The following WDR62 variants were observed in gnomAD, a reference collection of about 807,000 sequenced individuals.
WDR62 encodes the protein WD repeat-containing protein 62.
WDR62 carries 112 observed loss-of-function variants against 160.6 expected under a neutral mutation model. The observed-to-expected ratio is 0.70, with a 90% CI of 0.60 to 0.82. The LOEUF is 0.82. Ranked by LOEUF, WDR62 falls within the 40% of genes least tolerant of loss-of-function variation. The pLI, the probability that WDR62 is intolerant of heterozygous loss-of-function variation, is 0.00. For synonymous variants in WDR62, 792 were observed against 815.1 expected (o/e 0.97, Z 0.48); for missense variants, 1,819 against 1,983.8 (o/e 0.92, Z 1.58).
At chr19:36,058,387 A>G (rs1970472016) in intron 1 of WDR62, among the ~76,000 whole-genome samples, 2 of 152,308 alleles carry the variant, frequency 1.3e-5, no homozygotes, top group South Asian at 4.1e-4. Context: ...AAACTTATTC[A>G]CAGGTCACCT....
intron 16 of WDR62, 125 bp downstream of exon 16, chr19:36,090,645 C>A (rs922277370): frequency 2.3e-6 from 2 of 878,216 alleles, no homozygotes; most frequent in African/African-American, 1.7e-5. Flanking sequence ...CCTTCTCAGG[C>A]CTGGTTAAAC....
intron 5 of WDR62, 23 bp from the exon 6 acceptor site, chr19:36,067,283 C>T (rs764895913): frequency 1.5e-5 from 24 of 1,613,934 alleles, no homozygotes; most frequent in Non-Finnish European, 2.0e-5. Context: ...CTGGCATGAG[C>T]TTCTCTGCAC....
chr19:36,084,786 G>A (rs551858484), intron 12 of WDR62, 42 bp downstream of exon 12: 15 of 1,579,974 alleles, frequency 9.5e-6, no homozygotes, highest in Non-Finnish European at 1.3e-5. Context: ...AGGCAGGGAG[G>A]CAGCCCCCCT....
chr19:36,082,691 G>A (rs186527202), intron 10 of WDR62, among the ~76,000 whole-genome samples: 52 of 152,300 alleles, frequency 3.4e-4, no homozygotes, highest in Middle Eastern at 3.4e-3. Flanking sequence ...AGTTTAGACC[G>A]TTCTGCAGGA....
At position 36,067,293 on chromosome 19, in the gene WDR62, C is replaced by T. The variant is rs78138007; in HGVS notation, c.562-13C>T. On this transcript the variant is annotated splice_polypyrimidine_tract_variant and intron_variant, in intron 5 of 31. Coordinates refer to ENST00000401500, the MANE Select transcript of WDR62 (RefSeq NM_001083961.2). ...GAGTGCTGGCATGAGCTTCTCTGCACTTATTCTTCCAGAAAGACATCGTAG... is the reference window on the plus strand; with the variant it reads ...GAGTGCTGGCATGAGCTTCTCTGCATTTATTCTTCCAGAAAGACATCGTAG... The T allele has an allele frequency of 0.039, 62,474 of 1,614,002 alleles. 1,571 individuals are homozygous for T. Among genetic ancestry groups the T allele is most frequent in the East Asian group, 0.11 (4,719 of 44,876 alleles).
intron 21 of WDR62, among the ~76,000 whole-genome samples, chr19:36,098,542 C>T (rs942981021): frequency 8.3e-5 from 12 of 143,732 alleles, no homozygotes; most frequent in African/African-American, 2.9e-4. Context: ...TCCAGCCTGG[C>T]GACAGAGTGA....
intron 1 of WDR62, 39 bp downstream of exon 1, chr19:36,055,187 T>A (rs1970290254): frequency 6.4e-7 from 1 of 1,573,532 alleles, no homozygotes; most frequent in Non-Finnish European, 8.6e-7. Context: ...AGTTCCAGGC[T>A]TCCTAGGTTT....
chr19:36,109,032 T>C (rs1453904736), downstream of WDR62, among the ~76,000 whole-genome samples: 1 of 152,044 alleles, frequency 6.6e-6, no homozygotes, highest in Non-Finnish European at 1.5e-5. Flanking sequence ...CAATGAGAAA[T>C]GACTTGCTCT....
chr19:36,109,023 A>C (rs973729405), downstream of WDR62, among the ~76,000 whole-genome samples: 5 of 152,146 alleles, frequency 3.3e-5, no homozygotes, highest in African/African-American at 1.2e-4. Flanking sequence ...ACCGAGGCCC[A>C]ATGAGAAATG....
chr19:36,065,750 G>A (rs1970902360), intron 3 of WDR62, among the ~76,000 whole-genome samples: 1 of 152,314 alleles, frequency 6.6e-6, no homozygotes, highest in South Asian at 2.1e-4. Context: ...GGGCGGAAGG[G>A]GCCTTTGCAT....
At chr19:36,057,161 G>T (rs1970415016) in intron 1 of WDR62, among the ~76,000 whole-genome samples, 1 of 152,122 alleles carries the variant, frequency 6.6e-6, no homozygotes, top group Admixed American at 6.5e-5. Flanking sequence ...TGTAAAATGA[G>T]AATAATGATG....
chr19:36,101,339 A>AC (rs780494666), intron 24 of WDR62, 22 bp downstream of exon 24: 1 of 1,589,890 alleles, frequency 6.3e-7, no homozygotes, highest in South Asian at 1.1e-5. Flanking sequence ...GCAGGCAGGG[A>AC]CCCTGTGACA....
intron 26 of WDR62, 56 bp from the exon 27 acceptor site, chr19:36,102,681 G>A: frequency 5.2e-6 from 8 of 1,552,844 alleles, no homozygotes; most frequent in Non-Finnish European, 7.1e-6. Context: ...GCTGGCCTAG[G>A]GCCAGGGCTG....
rs146898747 is a variant in WDR62, at chr19:36,067,872, C to T, written c.744C>T (p.Gly248=). The T allele has an allele frequency of 1.5e-4, 237 of 1,614,208 alleles. 1 individual carries two copies. The East Asian group carries it at 4.0e-3, about 27-fold the overall frequency. Residue 248 remains glycine, a synonymous_variant, in exon 7 of 32, where the codon GGC becomes GGT. Transcript: ENST00000401500. ...TTGTAGGGCGCTCGGGCATCCTGGG[C>T]GAGCTGCACAACAACATCTTCTGTG... is the stretch of plus-strand genomic sequence containing the variant. ...VPLVGRSGIL[G]ELHNNIFCGV...
chr19:36,060,154 C>A, intron 3 of WDR62, 124 bp downstream of exon 3: 1 of 999,334 alleles, frequency 1.0e-6, no homozygotes, highest in Non-Finnish European at 1.6e-6. Flanking sequence ...GTTGGCTCAG[C>A]AGCATTCGCC....
At chr19:36,088,947 G>C in intron 13 of WDR62, 91 bp from the exon 14 acceptor site, 5 of 1,435,064 alleles carry the variant, frequency 3.5e-6, no homozygotes, top group African/African-American at 1.4e-5. Flanking sequence ...CAGCACAGTT[G>C]ATTGATGGCT....
In WDR62 at chr19:36,066,259, T is replaced by C. The variant is rs376954770; in HGVS notation, c.393T>C (p.Asn131=). Residue 131 remains asparagine (N), a splice_region_variant and synonymous_variant, in exon 5 of 32, where the codon AAT becomes AAC. Coordinates refer to ENST00000401500, the MANE Select transcript of WDR62 (RefSeq NM_001083961.2). ...PDGKYIVTGE[N]GHRPAVRIWD... Reference sequence around the variant, plus strand: ...AGTAACGACCCCACCTTCCCTAGAATGGGCATAGGCCTGCTGTGCGCATCT... The same window carrying C: ...AGTAACGACCCCACCTTCCCTAGAACGGGCATAGGCCTGCTGTGCGCATCT... The C allele has an allele frequency of 1.8e-5, 29 of 1,614,104 alleles. No individual in the cohort carries two copies. In the African/African-American group the frequency reaches 2.9e-4, roughly 16 times the overall value.
In WDR62 at chr19:36,104,945, G is replaced by T. The variant is rs1299035954; in HGVS notation, c.4489G>T (p.Ala1497Ser). 2.5e-6 allele frequency: 4 copies of T among 1,607,756 alleles called. No individual in the cohort carries two copies. Among genetic ancestry groups the T allele is most frequent in the East Asian group, 2.2e-5 (1 of 44,750 alleles). The change falls in exon 32 of 32, where the codon GCC becomes TCC. Residue 1497 changes from alanine to serine, a missense_variant. Around this residue, in one of 3 missense-constraint regions of WDR62, gnomAD observed 770 missense variants for 734.2 expected, o/e 1.05. Coordinates refer to ENST00000401500, the MANE Select transcript of WDR62 (RefSeq NM_001083961.2). Reference sequence around the variant, plus strand: ...GTCCCCACCGACGCTGTACCCCCTGGCCAGCCCAGACCTGCAGGCCCTGCT... The same window carrying T: ...GTCCCCACCGACGCTGTACCCCCTGTCCAGCCCAGACCTGCAGGCCCTGCT... ...PPSPPTLYPL[A>S]SPDLQALLEH...
chr19:36,106,101 C>A (rs1973706521), downstream of WDR62, among the ~76,000 whole-genome samples: 1 of 152,340 alleles, frequency 6.6e-6, no homozygotes, highest in East Asian at 1.9e-4. Context: ...GCAGCTGGGA[C>A]CAATAACTGC....
Sources: gnomAD v4.1 joint callset for allele counts (sites outside exome capture counted in the v4.1 genomes callset) on GRCh38, gnomAD v4.1.1 for gene constraint, gnomAD v4.1.1 regional missense constraint, MANE v1.5 for transcripts, NCBI Gene and HGNC (gene_info 2026-07-23, HGNC 2026-07-21) for gene names.